Variants in LRRC4C observed in about 807,000 individuals in gnomAD.
LRRC4C encodes leucine-rich repeat-containing protein 4C.
A neutral mutation model predicts 33.6 loss-of-function variants in LRRC4C; 5 were observed. That is an observed-to-expected ratio of 0.15 (90% CI 0.08 to 0.31). The LOEUF (loss-of-function observed/expected upper bound fraction) is 0.31, where lower values mean the gene tolerates loss of function less well. Ranked by LOEUF, LRRC4C falls within the 10% of genes least tolerant of loss-of-function variation. The pLI, the probability that LRRC4C is intolerant of heterozygous loss-of-function variation, is 1.00. For synonymous variants in LRRC4C, 329 were observed against 302.0 expected (o/e 1.09, Z -0.93); for missense variants, 560 against 796.7 (o/e 0.70, Z 3.58).
intron 2 of LRRC4C, among the ~76,000 whole-genome samples, chr11:40,720,106 C>T (rs1355634480): frequency 6.6e-6 from 1 of 152,104 alleles, no homozygotes; most frequent in African/African-American, 2.4e-5. Context: ...TCTCCCAGGA[C>T]TCATGTTTCT....
intron 1 of LRRC4C, among the ~76,000 whole-genome samples, chr11:41,182,156 A>G (rs1945481149): frequency 6.6e-6 from 1 of 152,208 alleles, no homozygotes; most frequent in Non-Finnish European, 1.5e-5. Context: ...CAGGGAGATG[A>G]AAATAGCATC....
intron 3 of LRRC4C, among the ~76,000 whole-genome samples, chr11:40,501,690 C>T (rs1474965420): frequency 6.6e-6 from 1 of 152,088 alleles, no homozygotes; most frequent in African/African-American, 2.4e-5. Context: ...TGGGCCCAGC[C>T]CACAAGACCA....
At chr11:40,704,110 A>G (rs1395079938) in intron 2 of LRRC4C, among the ~76,000 whole-genome samples, 2 of 152,198 alleles carry the variant, frequency 1.3e-5, no homozygotes, top group African/African-American at 2.4e-5. Context: ...AAAATACAGT[A>G]TAACAAATAT....
At chr11:40,225,630 T>TTA (rs1245531831) in intron 5 of LRRC4C, among the ~76,000 whole-genome samples, 2 of 151,852 alleles carry the variant, frequency 1.3e-5, no homozygotes, top group East Asian at 3.9e-4. Flanking sequence ...TTTTTTTTTT[T>TTA]TTTTGAGACA....
At chr11:41,256,220 C>T (rs534630912) in intron 1 of LRRC4C, among the ~76,000 whole-genome samples, 38 of 152,002 alleles carry the variant, frequency 2.5e-4, no homozygotes, top group African/African-American at 8.7e-4. Flanking sequence ...TCAGTCACCC[C>T]GGGTGATAAC....
At chr11:40,650,226 C>G (rs1942708426) in intron 2 of LRRC4C, among the ~76,000 whole-genome samples, 1 of 152,004 alleles carries the variant, frequency 6.6e-6, no homozygotes, top group Non-Finnish European at 1.5e-5. Flanking sequence ...GCAATAGGCC[C>G]CAGTAGACCA....
intron 1 of LRRC4C, among the ~76,000 whole-genome samples, chr11:41,444,474 G>A (rs10219162): frequency 0.037 from 5,666 of 152,188 alleles, 369 homozygotes; most frequent in African/African-American, 0.13. Flanking sequence ...TTGTATTCAC[G>A]GGTGGGTGCT....
chr11:40,152,492 G>A (rs911461356), intron 5 of LRRC4C, among the ~76,000 whole-genome samples: 1 of 152,158 alleles, frequency 6.6e-6, no homozygotes, highest in African/African-American at 2.4e-5. Flanking sequence ...TTCACAGGCA[G>A]GGGAAGAACT....
intron 2 of LRRC4C, among the ~76,000 whole-genome samples, chr11:40,791,793 G>C (rs1308696715): frequency 1.3e-5 from 2 of 152,128 alleles, no homozygotes; most frequent in Non-Finnish European, 2.9e-5. Context: ...GACAGAGAAT[G>C]GATCAGGTTC....
intron 2 of LRRC4C, among the ~76,000 whole-genome samples, chr11:40,786,730 T>A (rs113887903): frequency 6.6e-6 from 1 of 152,098 alleles, no homozygotes; most frequent in African/African-American, 2.4e-5. Context: ...TTACTTCCTC[T>A]ACCCTATAAT....
At chr11:40,296,364 T>A (rs1944512529) in intron 4 of LRRC4C, among the ~76,000 whole-genome samples, 1 of 152,154 alleles carries the variant, frequency 6.6e-6, no homozygotes, top group Non-Finnish European at 1.5e-5. Context: ...CTCATATATA[T>A]CACCTTATTT....
intron 3 of LRRC4C, among the ~76,000 whole-genome samples, chr11:40,366,928 T>C (rs1948233162): frequency 6.6e-6 from 1 of 152,050 alleles, no homozygotes; most frequent in African/African-American, 2.4e-5. Flanking sequence ...GTTGTATCAT[T>C]CCACATGGCA....
chr11:41,172,512 G>A (rs1444426747), intron 1 of LRRC4C, among the ~76,000 whole-genome samples: 2 of 152,082 alleles, frequency 1.3e-5, no homozygotes, highest in Non-Finnish European at 2.9e-5. Context: ...TCAGTGCCTA[G>A]CACATCTATC....
intron 1 of LRRC4C, among the ~76,000 whole-genome samples, chr11:41,162,146 C>G (rs1217100260): frequency 2.6e-5 from 4 of 152,238 alleles, no homozygotes; most frequent in African/African-American, 9.6e-5. Flanking sequence ...ATGTCCCCTT[C>G]TGCAGCTCTG....
chr11:40,760,328 G>A (rs1437728897), intron 2 of LRRC4C, among the ~76,000 whole-genome samples: 2 of 150,740 alleles, frequency 1.3e-5, no homozygotes, highest in Non-Finnish European at 2.9e-5. Context: ...GCTGCTCTTC[G>A]TGCCGAAAAA....
At chr11:41,077,835 CTGCT>C (rs1384724278) in intron 1 of LRRC4C, among the ~76,000 whole-genome samples, 2 of 152,198 alleles carry the variant, frequency 1.3e-5, no homozygotes, top group Non-Finnish European at 2.9e-5. Context: ...CGTTTATGCT[CTGCT>C]TCCCTTTTAA....
At chr11:41,292,006 G>A (rs1950007079) in intron 1 of LRRC4C, among the ~76,000 whole-genome samples, 1 of 152,122 alleles carries the variant, frequency 6.6e-6, no homozygotes, top group East Asian at 1.9e-4. Context: ...TGTTTCCCAA[G>A]TTTGAAACCC....
intron 1 of LRRC4C, among the ~76,000 whole-genome samples, chr11:41,372,027 C>T (rs1252449412): frequency 6.6e-6 from 1 of 152,218 alleles, no homozygotes. Flanking sequence ...GTCCCAGCTA[C>T]TCAGGAGGCT....
intron 4 of LRRC4C, among the ~76,000 whole-genome samples, chr11:40,302,872 A>G (rs1304855536): frequency 6.6e-6 from 1 of 152,208 alleles, no homozygotes; most frequent in Non-Finnish European, 1.5e-5. Context: ...CTGGAATTTC[A>G]TAGACCTCAG....
Sources: allele counts gnomAD v4.1 joint callset (sites outside exome capture counted in the v4.1 genomes callset), GRCh38; gene constraint gnomAD v4.1.1; transcripts MANE v1.5; gene names NCBI Gene and HGNC (gene_info 2026-07-23, HGNC 2026-07-21).